PRH1: variants seen among roughly 807,000 people sequenced by gnomAD.
PRH1 encodes proline rich protein HaeIII subfamily 1.
Under a neutral mutation model 7.9 loss-of-function variants are expected in PRH1, and 7 were observed. The observed-to-expected ratio is 0.89, with a 90% CI of 0.50 to 1.67. The LOEUF is 1.67. PRH1 is among the 40% of genes most tolerant of loss of function. PRH1 has a pLI of 0.00. For missense variants in PRH1, 109 were observed against 223.6 expected, an observed-to-expected ratio of 0.49 and a Z score of 3.27; for synonymous variants, 45 against 80.8, an observed-to-expected ratio of 0.56 and a Z score of 2.38.
At chr12:10,969,443 A>C (rs762895133) in intron 2 of PRH1, among the ~76,000 whole-genome samples, 28 of 152,280 alleles carry the variant, frequency 1.8e-4, no homozygotes, top group South Asian at 4.1e-4. Flanking sequence ...GTGGGGCTTT[A>C]GCTGAGGACC....
intron 1 of PRH1, among the ~76,000 whole-genome samples, chr12:10,987,580 T>G (rs767970760): frequency 3.3e-5 from 5 of 151,450 alleles, no homozygotes; most frequent in Non-Finnish European, 7.4e-5. Flanking sequence ...GTGACACCCC[T>G]AAGAGATGGA....
rs1938028018 is a variant in PRH1 at position 10,957,458 on chromosome 12, T to TA, written c.-59+16196dup. On this transcript the variant is annotated intron_variant, in intron 2 of 3. Coordinates refer to the PRH1 transcript ENST00000539853. The stretch of plus-strand genomic sequence containing the variant: ...AATGTAAAACCTAAAACTATTTTTT[T>TA]AAAAAACGGAAAAATAACCTAGTAA... Among the ~76,000 whole-genome samples the TA allele has an allele frequency of 2.0e-5, 3 of 151,570 alleles. No homozygotes were observed. The South Asian group carries it at 6.2e-4, about 31-fold the overall frequency.
chr12:10,997,272 G>C (rs1157263039), intron 1 of PRH1: 1 of 1,614,008 alleles, frequency 6.2e-7, no homozygotes, highest in African/African-American at 1.3e-5. Context: ...TGTTTACACA[G>C]AGAGTAGATT....
At chr12:10,954,869 C>G (rs114936179) in intron 2 of PRH1, among the ~76,000 whole-genome samples, 3,022 of 152,164 alleles carry the variant, frequency 0.02, 34 homozygotes, top group South Asian at 0.031. Flanking sequence ...GCTCAATTCA[C>G]CAGGAAGACA....
At chr12:10,988,308 CCT>C (rs1394291728) in intron 1 of PRH1, among the ~76,000 whole-genome samples, 4 of 151,772 alleles carry the variant, frequency 2.6e-5, no homozygotes, top group African/African-American at 9.7e-5. Flanking sequence ...TATATTTGCC[CCT>C]GTTTTGTCAG....
At chr12:11,121,981 T>C (rs1315784554) in intron 1 of PRH1, among the ~76,000 whole-genome samples, 1 of 152,236 alleles carries the variant, frequency 6.6e-6, no homozygotes, top group Non-Finnish European at 1.5e-5. Flanking sequence ...TCAAATGAAA[T>C]ATCATACAAT....
At chr12:10,997,201 T>C in intron 1 of PRH1, 1 of 1,614,112 alleles carries the variant, frequency 6.2e-7, no homozygotes, top group Non-Finnish European at 8.5e-7. Context: ...GCAGAGCTTT[T>C]ATGTGGATCT....
In PRH1 at chr12:10,968,804, C is replaced by T. The variant is rs952684426; in HGVS notation, c.-59+4851G>A. On this transcript the variant is annotated intron_variant, in intron 2 of 3. Transcript: ENST00000539853. ...AGCAGGAACAAATTCTGTGCAGGCC[C>T]CGCAGCAGCATCTGGGGGGGTGCCC... 8.5e-5 allele frequency among the ~76,000 whole-genome samples: 13 copies of T among 152,336 alleles called. No individual in the cohort carries two copies. In the East Asian group the frequency reaches 1.9e-3, roughly 23 times the overall value.
intron 1 of PRH1, among the ~76,000 whole-genome samples, chr12:11,054,168 T>C (rs1166617766): frequency 1.3e-5 from 2 of 152,220 alleles, no homozygotes; most frequent in African/African-American, 2.4e-5. Flanking sequence ...TACCCTCACA[T>C]AGTATTTCAT....
chr12:11,015,501 G>A (rs1941251271), intron 1 of PRH1, among the ~76,000 whole-genome samples: 1 of 152,126 alleles, frequency 6.6e-6, no homozygotes, highest in Admixed American at 6.6e-5. Context: ...GAGGAGGTTA[G>A]ACTTGAAGTT....
chr12:10,884,628 G>C (rs537862818), upstream of PRH1, among the ~76,000 whole-genome samples: 34 of 152,228 alleles, frequency 2.2e-4, no homozygotes, highest in Non-Finnish European at 1.9e-4. Context: ...GGTGTGTCGG[G>C]GGGTGGACAC....
chr12:11,124,876 CTT>C (rs1946058677), intron 1 of PRH1, among the ~76,000 whole-genome samples: 1 of 149,330 alleles, frequency 6.7e-6, no homozygotes, highest in Non-Finnish European at 1.5e-5. Flanking sequence ...GAGCTTCACT[CTT>C]GTCACCCAGG....
At chr12:11,068,801 A>G (rs1345524867) in intron 1 of PRH1, among the ~76,000 whole-genome samples, 1 of 152,212 alleles carries the variant, frequency 6.6e-6, no homozygotes. Flanking sequence ...GCTATTTTAA[A>G]TAAAACTAAA....
At chr12:11,102,766 G>A (rs1416978733) in intron 1 of PRH1, among the ~76,000 whole-genome samples, 3 of 151,778 alleles carry the variant, frequency 2.0e-5, no homozygotes, top group African/African-American at 7.3e-5. Context: ...ACCTACAGAA[G>A]GAGAAAATTT....
intron 1 of PRH1, among the ~76,000 whole-genome samples, chr12:11,076,418 T>TTTAGG (rs1555158458): frequency 7.6e-6 from 1 of 132,428 alleles, no homozygotes; most frequent in Non-Finnish European, 1.7e-5. Context: ...CTATACTCTC[T>TTTAGG]TTGGGACTTT....
chr12:10,918,088 G>C (rs1295431262), intron 2 of PRH1, among the ~76,000 whole-genome samples: 1 of 152,188 alleles, frequency 6.6e-6, no homozygotes, highest in Non-Finnish European at 1.5e-5. Flanking sequence ...GATGAAGCTG[G>C]AAGCCATTAT....
rs553772945 is a variant in PRH1, at chr12:10,905,502, C to T, written c.-58-21227G>A. Among the ~76,000 whole-genome samples, 10 of 152,154 alleles carry T rather than the reference C, an allele frequency of 6.6e-5. No individual in the cohort carries two copies. In the South Asian group the frequency reaches 2.1e-3, roughly 32 times the overall value. ...CCAACATGGTGAAACTCTGTCTCTA[C>T]TAAAAATACAAAAATTAGCCGGGCG... On this transcript the variant is annotated intron_variant, in intron 2 of 3. Coordinates refer to the PRH1 transcript ENST00000539853.
chr12:10,906,198 G>T (rs1384548653), intron 2 of PRH1, among the ~76,000 whole-genome samples: 2 of 152,202 alleles, frequency 1.3e-5, no homozygotes, highest in Admixed American at 6.5e-5. Flanking sequence ...TATCACCAAA[G>T]AACCTGTTCT....
At chr12:11,078,605 T>A (rs549018737) in intron 1 of PRH1, 4 of 120,736 alleles carry the variant, frequency 3.3e-5, no homozygotes, top group African/African-American at 1.1e-4. Context: ...GTTTTGCAAT[T>A]TTTTTCCTTG....
Sources: allele counts gnomAD v4.1 joint callset (sites outside exome capture counted in the v4.1 genomes callset), GRCh38; gene constraint gnomAD v4.1.1; transcripts MANE v1.5; gene names NCBI Gene and HGNC (gene_info 2026-07-23, HGNC 2026-07-21).